The following PHLDB1 variants were observed in gnomAD, a reference collection of about 807,000 sequenced individuals.
PHLDB1 encodes pleckstrin homology like domain family B member 1.
In PHLDB1, 65 loss-of-function variants were observed where a neutral mutation model predicts 139.3. The ratio of observed to expected loss-of-function variants is 0.47; its 90% CI spans 0.38 to 0.57. PHLDB1 has a LOEUF of 0.57. PHLDB1 is among the 20% of genes least tolerant of loss of function. The probability of loss-of-function intolerance (pLI) is 0.00; values close to 1 mark genes in which losing one functional copy is unlikely to be tolerated. For synonymous variants in PHLDB1, 679 were observed against 734.5 expected (o/e 0.92, Z 1.22); for missense variants, 1,624 against 1,839.7 (o/e 0.88, Z 2.14).
chr11:118,618,522 T>C (rs1162601220), intron 4 of PHLDB1, among the ~76,000 whole-genome samples: 2 of 152,130 alleles, frequency 1.3e-5, no homozygotes, highest in East Asian at 3.9e-4. Context: ...TTTGTGACTC[T>C]GGGCTTACGA....
In PHLDB1 at chr11:118,627,411, C is replaced by A; in HGVS notation, c.588C>A (p.Asp196Glu). 6.2e-7 allele frequency: 1 copy of A among 1,614,196 alleles called. No individual in the cohort carries two copies. The highest frequency in any genetic ancestry group is 1.1e-5 in the South Asian group (1 of 91,088). ...CCCTGGTGAGCTCTATTGAGAAGGA[C>A]CTGCAAGAGATCATGGACTCACTGG... ...HSSLVSSIEKDLQEIMDSLVL... is the reference protein window; with the variant it reads ...HSSLVSSIEKELQEIMDSLVL... The change falls in exon 6 of 23, where the codon GAC becomes GAA. Residue 196 changes from aspartate to glutamate, a missense_variant. Asp to Glu is a conservative substitution (Grantham distance 45). Transcript: ENST00000600882.
At position 118,611,556 on chromosome 11, in the gene PHLDB1, G is replaced by C. The variant is rs547631440; in HGVS notation, c.-21-2260G>C. On this transcript the variant is annotated intron_variant, in intron 1 of 22. Transcript: ENST00000600882. This position sits in a 1 kb window ranked among gnomAD's most constrained non-coding sequence, Gnocchi z 4.7. The stretch of plus-strand genomic sequence containing the variant: ...GAACTGCCTTGCTCCAGGTCACACA[G>C]CTCATAATAATAAACGGGGCCAGGC... Among the ~76,000 whole-genome samples the C allele has an allele frequency of 1.1e-4, 17 of 152,258 alleles. No homozygotes were observed. Among genetic ancestry groups the C allele is most frequent in the African/African-American group, 3.1e-4 (13 of 41,524 alleles).
chr11:118,623,532 C>T (rs539093911), intron 4 of PHLDB1, among the ~76,000 whole-genome samples: 7 of 152,326 alleles, frequency 4.6e-5, no homozygotes, highest in East Asian at 1.9e-4. Flanking sequence ...TGGCTGAGGC[C>T]GGGCCTGGTG....
chr11:118,655,819 T>C, intron 21 of PHLDB1, 41 bp from the exon 22 acceptor site: 1 of 1,595,828 alleles, frequency 6.3e-7, no homozygotes, highest in Non-Finnish European at 8.6e-7. Context: ...CCTTGTTCTC[T>C]TTGTCAACTT....
In PHLDB1 at chr11:118,643,919, G is replaced by A. The variant is rs1303604345; in HGVS notation, c.2997G>A (p.Leu999=). 4 of 1,603,948 alleles carry A rather than the reference G, an allele frequency of 2.5e-6. No homozygotes were observed. Among genetic ancestry groups the A allele is most frequent in the African/African-American group, 2.7e-5 (2 of 74,758 alleles). ...CCTCCCAGCTCAGCGTGGCTACCCT[G>A]GGGCGTAGCCCCTCCCCAAAGGTCT... is the stretch of plus-strand genomic sequence containing the variant. The part of the protein sequence containing the change: ...SSSSQLSVAT[L]GRSPSPKSAL... The change falls in exon 14 of 23, where the codon CTG becomes CTA. Residue 999 remains leucine (L), a synonymous_variant. Coordinates refer to ENST00000600882, the MANE Select transcript of PHLDB1 (RefSeq NM_001144758.3).
In PHLDB1 at chr11:118,614,544, C is replaced by G; in HGVS notation, c.61-15C>G. On this transcript the variant is annotated splice_polypyrimidine_tract_variant and intron_variant, in intron 2 of 22. Coordinates refer to ENST00000600882, the MANE Select transcript of PHLDB1 (RefSeq NM_001144758.3). ...GAATCTAATGATGCTTGTCCTCCAC[C>G]CGTACTACCTACAGAAAGGACCCTT... 1 of 1,613,380 alleles carries G rather than the reference C, an allele frequency of 6.2e-7. No individual in the cohort carries two copies. Among genetic ancestry groups the G allele is most frequent in the Non-Finnish European group, 8.5e-7 (1 of 1,179,634 alleles).
At chr11:118,634,391 G>T (rs1269254300) in intron 9 of PHLDB1, 6 of 152,322 alleles carry the variant, frequency 3.9e-5, no homozygotes, top group African/African-American at 1.4e-4. Flanking sequence ...CCCAACCCTG[G>T]ATTTAACCCT....
At chr11:118,648,125 G>A in intron 18 of PHLDB1, 49 bp downstream of exon 18, 2 of 1,566,998 alleles carry the variant, frequency 1.3e-6, no homozygotes, top group Non-Finnish European at 1.7e-6. Context: ...GGTGAGGGCT[G>A]TAGAGAAGTG....
chr11:118,639,460 G>A, intron 12 of PHLDB1: 1 of 596,396 alleles, frequency 1.7e-6, no homozygotes, highest in Middle Eastern at 2.9e-4. Context: ...GGGGTTCCCA[G>A]GAGCCTACAG....
Position 118,645,950 on chromosome 11 carries a change from G to T in PHLDB1, c.3507+125G>T, listed in dbSNP as rs1323838958. 2.8e-6 allele frequency: 2 copies of T among 724,670 alleles called. No individual in the cohort carries two copies. The highest frequency in any genetic ancestry group is 4.1e-5 in the Admixed American group (2 of 49,082). 44.9% of individuals were successfully genotyped at this position (724,670 alleles called of 1,614,324 possible). A position where few individuals can be genotyped will look rare whatever the true frequency, so the allele number is the denominator to read the frequency against. Reference sequence around the variant, plus strand: ...ATTAGCCTTGCCACATTCCCTTGGGGTAGAAAATGTTTTAAAAGGTTGTAT... The same window carrying T: ...ATTAGCCTTGCCACATTCCCTTGGGTTAGAAAATGTTTTAAAAGGTTGTAT... On this transcript the variant is annotated intron_variant, in intron 17 of 22. Coordinates refer to ENST00000600882, the MANE Select transcript of PHLDB1 (RefSeq NM_001144758.3). The surrounding 1 kb of genome is among the most constrained non-coding windows in gnomAD (Gnocchi z 5.1).
intron 6 of PHLDB1, chr11:118,630,225 C>T (rs528459620): frequency 2.3e-6 from 1 of 436,854 alleles, no homozygotes; most frequent in Admixed American, 3.3e-5. Context: ...AGGCTTCAGG[C>T]CTATAGGTAG....
At chr11:118,641,525 C>T (rs1229199914) in intron 12 of PHLDB1, 4 of 773,866 alleles carry the variant, frequency 5.2e-6, no homozygotes, top group Non-Finnish European at 7.0e-6. Flanking sequence ...TCTGCCCTTT[C>T]CCTCCCTTCC....
chr11:118,650,607 G>A lies in PHLDB1; in HGVS notation c.3874+60G>A. Reference sequence around the variant, plus strand: ...AGGATCCCTGGGCTCTGTTACCCAGGACGGCTGGTCTTCTAGAAGGAGGCC... The same window carrying A: ...AGGATCCCTGGGCTCTGTTACCCAGAACGGCTGGTCTTCTAGAAGGAGGCC... On this transcript the variant is annotated intron_variant, in intron 20 of 22. Coordinates refer to ENST00000600882, the MANE Select transcript of PHLDB1 (RefSeq NM_001144758.3). The surrounding 1 kb of genome is among the most constrained non-coding windows in gnomAD (Gnocchi z 4.7). The A allele has an allele frequency of 1.7e-6, 2 of 1,204,530 alleles. No homozygotes were observed. The highest frequency in any genetic ancestry group is 1.2e-5 in the South Asian group (1 of 82,520). 74.6% of individuals were successfully genotyped at this position (1,204,530 alleles called of 1,614,324 possible).
At chr11:118,614,830 T>C in intron 3 of PHLDB1, 148 bp downstream of exon 3, 1 of 712,840 alleles carries the variant, frequency 1.4e-6, no homozygotes, top group Non-Finnish European at 2.3e-6. Context: ...CCCTTGTCTC[T>C]GCCTCCCCAG....
chr11:118,615,633 C>G (rs1037956134), intron 3 of PHLDB1: 2 of 166,448 alleles, frequency 1.2e-5, no homozygotes, highest in Admixed American at 1.2e-4. Flanking sequence ...GTAGCAGAAG[C>G]GGGGGAGAGA....
intron 4 of PHLDB1, among the ~76,000 whole-genome samples, chr11:118,619,944 G>GA (rs2135919778): frequency 6.6e-6 from 1 of 152,312 alleles, no homozygotes; most frequent in South Asian, 2.1e-4. Flanking sequence ...TTGTCTGGGG[G>GA]ATGTGTGCAT....
At position 118,630,001 on chromosome 11, in the gene PHLDB1, C is replaced by A. The variant is rs1944509654; in HGVS notation, c.1828-1206C>A. On this transcript the variant is annotated intron_variant, in intron 6 of 22. Coordinates refer to ENST00000600882, the MANE Select transcript of PHLDB1 (RefSeq NM_001144758.3). ...GGCAGGGGTGGAGGCACTGGCCCAG[C>A]CTCCCAGGTGCCGAGGCTCTGTTCC... 3.1e-6 allele frequency: 4 copies of A among 1,286,496 alleles called. No homozygotes were observed. The African/African-American group carries it at 6.1e-5, about 20-fold the overall frequency. The allele number at this position is 1,286,496 out of a possible 1,614,324, so 79.7% of individuals were successfully genotyped here. A position where few individuals can be genotyped will look rare whatever the true frequency, so the allele number is the denominator to read the frequency against.
At chr11:118,624,600 T>G (rs1555098883) in intron 4 of PHLDB1, 2 of 141,450 alleles carry the variant, frequency 1.4e-5, no homozygotes, top group Non-Finnish European at 3.0e-5. Context: ...CTTTTTTTTT[T>G]TTTTTTTTTT....
At chr11:118,656,602 A>G (rs1476024807) in intron 22 of PHLDB1, 81 bp from the exon 23 acceptor site, 5 of 1,404,076 alleles carry the variant, frequency 3.6e-6, no homozygotes, top group Non-Finnish European at 5.0e-6. Context: ...TGGGAGGGGA[A>G]AGGGCAGATA....
Sources: allele counts gnomAD v4.1 joint callset (sites outside exome capture counted in the v4.1 genomes callset), GRCh38; gene constraint gnomAD v4.1.1; non-coding constraint Gnocchi (gnomAD v3.1); transcripts MANE v1.5; gene names NCBI Gene and HGNC (gene_info 2026-07-23, HGNC 2026-07-21).